The following CRIM1 variants were observed in gnomAD, a reference collection of about 807,000 sequenced individuals.
CRIM1 encodes cysteine-rich motor neuron 1 protein.
In CRIM1, 32 loss-of-function variants were observed where a neutral mutation model predicts 116.4. That is an observed-to-expected ratio of 0.27 (90% confidence interval 0.21 to 0.37). The LOEUF (loss-of-function observed/expected upper bound fraction) is 0.37, where lower values mean the gene tolerates loss of function less well. CRIM1 is among the 10% of genes least tolerant of loss of function. The pLI is 1.00. For missense variants in CRIM1, 1,331 were observed against 1,354.8 expected (o/e 0.98, Z 0.28); for synonymous variants, 590 against 509.2 (o/e 1.16, Z -2.13).
chr2:36,386,318 A>C (rs1363232870), intron 1 of CRIM1, among the ~76,000 whole-genome samples: 1 of 152,222 alleles, frequency 6.6e-6, no homozygotes, highest in Non-Finnish European at 1.5e-5. Flanking sequence ...TTATTTATCT[A>C]ACATGGTTGA....
At chr2:36,429,074 C>T (rs1674674477) in intron 2 of CRIM1, among the ~76,000 whole-genome samples, 1 of 152,152 alleles carries the variant, frequency 6.6e-6, no homozygotes, top group Admixed American at 6.5e-5. Context: ...AGGGCTGCAC[C>T]GTAGGGATTG....
At chr2:36,390,079 A>G (rs1426580846) in intron 1 of CRIM1, among the ~76,000 whole-genome samples, 1 of 152,198 alleles carries the variant, frequency 6.6e-6, no homozygotes, top group Non-Finnish European at 1.5e-5. Context: ...ATGTAGAAGG[A>G]AAGAATTTCA....
chr2:36,497,117 A>T (rs1473375985), intron 7 of CRIM1, among the ~76,000 whole-genome samples: 1 of 152,136 alleles, frequency 6.6e-6, no homozygotes, highest in East Asian at 1.9e-4. Flanking sequence ...CTGAAGGCAA[A>T]ATTTTCTCAT....
At chr2:36,371,272 G>A (rs1183846862) in intron 1 of CRIM1, among the ~76,000 whole-genome samples, 2 of 151,742 alleles carry the variant, frequency 1.3e-5, no homozygotes, top group Non-Finnish European at 2.9e-5. Flanking sequence ...CCATCCCCCA[G>A]TGACCATAAA....
At chr2:36,398,264 G>C (rs1672175272) in intron 2 of CRIM1, among the ~76,000 whole-genome samples, 1 of 152,086 alleles carries the variant, frequency 6.6e-6, no homozygotes, top group African/African-American at 2.4e-5. Context: ...TGCTGTCATT[G>C]TCTCTACTCA....
chr2:36,489,400 G>T (rs746627966), intron 7 of CRIM1, among the ~76,000 whole-genome samples: 2 of 152,200 alleles, frequency 1.3e-5, no homozygotes, highest in Non-Finnish European at 2.9e-5. Flanking sequence ...TACGGAGAGG[G>T]TCGGCAAGCT....
chr2:36,493,899 T>C (rs997343236), intron 7 of CRIM1, among the ~76,000 whole-genome samples: 3 of 152,220 alleles, frequency 2.0e-5, no homozygotes, highest in Admixed American at 2.0e-4. Context: ...AGTATGTTCA[T>C]TTTTATTGTT....
intron 8 of CRIM1, among the ~76,000 whole-genome samples, chr2:36,502,477 A>G (rs1194330109): frequency 6.6e-6 from 1 of 152,160 alleles, no homozygotes; most frequent in African/African-American, 2.4e-5. Flanking sequence ...CAATAAATTT[A>G]TTATTTGCAA....
chr2:36,368,677 A>G (rs1669754540), intron 1 of CRIM1, among the ~76,000 whole-genome samples: 1 of 152,182 alleles, frequency 6.6e-6, no homozygotes, highest in African/African-American at 2.4e-5. Context: ...GAAATATTCC[A>G]TTTGGGAGTA....
At chr2:36,408,518 G>C (rs1672980945) in intron 2 of CRIM1, among the ~76,000 whole-genome samples, 1 of 152,228 alleles carries the variant, frequency 6.6e-6, no homozygotes, top group Non-Finnish European at 1.5e-5. Context: ...TGCTGGCAAA[G>C]GATGCTGTGA....
intron 5 of CRIM1, among the ~76,000 whole-genome samples, chr2:36,466,499 A>ATAC (rs1678037093): frequency 1.3e-5 from 2 of 152,146 alleles, no homozygotes; most frequent in Non-Finnish European, 2.9e-5. Flanking sequence ...ACCACTGGAG[A>ATAC]CAGAAATAGT....
At chr2:36,388,313 T>C (rs114551760) in intron 1 of CRIM1, among the ~76,000 whole-genome samples, 1,529 of 152,278 alleles carry the variant, frequency 0.01, 9 homozygotes, top group Middle Eastern at 0.017. Context: ...ACCTTTGGCT[T>C]GCCTTACTCT....
Position 36,527,847 on chromosome 2 carries a change from C to T in CRIM1, c.2428+5534C>T, listed in dbSNP as rs76837829. On this transcript the variant is annotated intron_variant, in intron 13 of 16. Coordinates refer to ENST00000280527, the MANE Select transcript of CRIM1 (RefSeq NM_016441.3). ...CCACCTTCATTGGAACATTTTTCACCGCTGCTTCTCCAGTGTATTTTCTTA... is the reference window on the plus strand; with the variant it reads ...CCACCTTCATTGGAACATTTTTCACTGCTGCTTCTCCAGTGTATTTTCTTA... 9.4e-3 allele frequency among the ~76,000 whole-genome samples: 1,432 copies of T among 152,148 alleles called. 23 individuals are homozygous for T. The highest frequency in any genetic ancestry group is 0.032 in the African/African-American group (1,332 of 41,502).
chr2:36,438,906 A>T (rs1558584656), intron 2 of CRIM1, among the ~76,000 whole-genome samples: 1 of 152,216 alleles, frequency 6.6e-6, no homozygotes, highest in African/African-American at 2.4e-5. Context: ...TCTCAGTTTC[A>T]TCATCTGTAA....
rs556177568 is a variant in CRIM1 at position 36,444,081 on chromosome 2, C to A, written c.869+1346C>A. Reference sequence around the variant, plus strand: ...GTAACAGATGTCCCTTCAGGGTCTTCCTGAAAAGGAAGGTGGTACATTATA... The same window carrying A: ...GTAACAGATGTCCCTTCAGGGTCTTACTGAAAAGGAAGGTGGTACATTATA... On this transcript the variant is annotated intron_variant, in intron 4 of 16. Transcript: ENST00000280527. Among the ~76,000 whole-genome samples the A allele has an allele frequency of 3.3e-5, 5 of 152,286 alleles. No individual in the cohort carries two copies. The South Asian group carries it at 1.0e-3, about 32-fold the overall frequency.
At chr2:36,479,447 T>A in intron 6 of CRIM1, 50 bp from the exon 7 acceptor site, 2 of 1,573,924 alleles carry the variant, frequency 1.3e-6, no homozygotes, top group Non-Finnish European at 1.7e-6. Flanking sequence ...CTGACAGAGA[T>A]AAGATTTAGA....
At chr2:36,475,129 CA>C (rs752964789) in intron 5 of CRIM1, among the ~76,000 whole-genome samples, 28 of 152,210 alleles carry the variant, frequency 1.8e-4, no homozygotes, top group Non-Finnish European at 3.7e-4. Context: ...TCAATTTCTA[CA>C]AAAGAGCCAG....
At chr2:36,547,739 A>G (rs1006809152) in intron 16 of CRIM1, among the ~76,000 whole-genome samples, 1 of 152,172 alleles carries the variant, frequency 6.6e-6, no homozygotes, top group African/African-American at 2.4e-5. Flanking sequence ...CTAAGGGAGA[A>G]AAGATGTATG....
chr2:36,382,997 A>AT (rs1191292776), intron 1 of CRIM1, among the ~76,000 whole-genome samples: 1 of 152,222 alleles, frequency 6.6e-6, no homozygotes, highest in African/African-American at 2.4e-5. Context: ...ACCTAATAAA[A>AT]TAGTAATTAG....
Sources: gnomAD v4.1 joint callset for allele counts (sites outside exome capture counted in the v4.1 genomes callset) on GRCh38, gnomAD v4.1.1 for gene constraint, MANE v1.5 for transcripts, NCBI Gene and HGNC (gene_info 2026-07-23, HGNC 2026-07-21) for gene names.